Variants in FLRT2 observed in about 807,000 individuals in gnomAD.
FLRT2 encodes the protein leucine-rich repeat transmembrane protein FLRT2.
FLRT2 carries 15 observed loss-of-function variants against 40.0 expected under a neutral mutation model. The ratio of observed to expected loss-of-function variants is 0.38; its 90% confidence interval spans 0.25 to 0.58. The LOEUF (loss-of-function observed/expected upper bound fraction) is 0.58. Among genes scored for constraint, FLRT2 ranks in the 20% least tolerant of loss-of-function variants. The probability of loss-of-function intolerance (pLI) is 0.71; values close to 1 mark genes in which losing one functional copy is unlikely to be tolerated. For missense variants in FLRT2, 726 were observed against 840.0 expected, an observed-to-expected ratio of 0.86 and a Z score of 1.68; for synonymous variants, 380 against 336.8, an observed-to-expected ratio of 1.13 and a Z score of -1.41.
rs560063955 is a variant in FLRT2, at chr14:85,643,378, T to TC, written c.*19882dup. 98 of 99,856 alleles carry TC rather than the reference T, an allele frequency of 9.8e-4. 5 individuals are homozygous for TC. The South Asian group carries it at 0.012, about 12-fold the overall frequency. 6.2% of individuals were successfully genotyped at this position (99,856 alleles called of 1,614,324 possible). On this transcript the variant is annotated 3_prime_UTR_variant, in exon 2 of 2. Coordinates refer to ENST00000330753, the MANE Select transcript of FLRT2 (RefSeq NM_013231.6). ...TTCTTCCTTCCTTCCTTCCTTCCTT[T>TC]CTTTCCTTTCTCCTTTTTCTTTTTT...
intron 1 of FLRT2, among the ~76,000 whole-genome samples, chr14:85,605,075 TTAAC>T (rs1269810809): frequency 6.6e-6 from 1 of 152,208 alleles, no homozygotes; most frequent in Non-Finnish European, 1.5e-5. Flanking sequence ...ATGGAAGACT[TTAAC>T]TGAGCGTTTT....
At chr14:85,599,156 G>A (rs923876959) in intron 1 of FLRT2, among the ~76,000 whole-genome samples, 85 of 150,190 alleles carry the variant, frequency 5.7e-4, no homozygotes, top group African/African-American at 2.0e-3. Flanking sequence ...TCCTGACCTC[G>A]TGATCTGCCC....
chr14:85,640,651 A>G lies in FLRT2; in HGVS notation c.*17154A>G, dbSNP rs1260265174. 2 of 152,184 alleles carry G rather than the reference A, an allele frequency of 1.3e-5. No individual in the cohort carries two copies. Among genetic ancestry groups the G allele is most frequent in the Non-Finnish European group, 2.9e-5 (2 of 68,036 alleles). The allele number at this position is 152,184 out of a possible 1,614,324, so 9.4% of individuals were successfully genotyped here. On this transcript the variant is annotated 3_prime_UTR_variant, in exon 2 of 2. Transcript: ENST00000330753. ...TACTATTGAATAAATATGCTTTGTG[A>G]ATATTCCATACATTTGCTAAGTTCT...
chr14:85,577,444 A>T (rs981568389), intron 1 of FLRT2, among the ~76,000 whole-genome samples: 3 of 152,122 alleles, frequency 2.0e-5, no homozygotes, highest in Non-Finnish European at 4.4e-5. Context: ...TGCTGTCTCT[A>T]AAAGGAGATG....
chr14:85,620,862 G>A (rs1239069202), intron 1 of FLRT2, among the ~76,000 whole-genome samples: 1 of 152,154 alleles, frequency 6.6e-6, no homozygotes, highest in Non-Finnish European at 1.5e-5. Context: ...ATAAAGAATA[G>A]ATAAAAGAGA....
chr14:85,614,031 T>G (rs552570435), intron 1 of FLRT2, among the ~76,000 whole-genome samples: 2 of 152,204 alleles, frequency 1.3e-5, no homozygotes, highest in Non-Finnish European at 2.9e-5. Flanking sequence ...ATCTTAGGAA[T>G]GACCAACATA....
At chr14:85,538,420 C>A (rs1276293226) in intron 1 of FLRT2, among the ~76,000 whole-genome samples, 2 of 152,148 alleles carry the variant, frequency 1.3e-5, no homozygotes, top group Non-Finnish European at 2.9e-5. Context: ...CTCTCTGGAG[C>A]TACTAACCAT....
chr14:85,587,771 G>A (rs1891690390), intron 1 of FLRT2, among the ~76,000 whole-genome samples: 1 of 152,016 alleles, frequency 6.6e-6, no homozygotes, highest in South Asian at 2.1e-4. Context: ...ATTAATATGA[G>A]AATATTTTTT....
chr14:85,649,828 A>G lies in FLRT2; in HGVS notation c.*26331A>G, dbSNP rs891201317. ...GGTAAAGGCAATAAATTATTTTTTA[A>G]TGTACATCTTATACACATAAAATAC... is the stretch of plus-strand genomic sequence containing the variant. On this transcript the variant is annotated 3_prime_UTR_variant, in exon 2 of 2. Coordinates refer to ENST00000330753, the MANE Select transcript of FLRT2 (RefSeq NM_013231.6). 3 of 152,064 alleles carry G rather than the reference A, an allele frequency of 2.0e-5. No individual in the cohort carries two copies. The highest frequency in any genetic ancestry group is 7.2e-5 in the African/African-American group (3 of 41,442). 9.4% of individuals were successfully genotyped at this position (152,064 alleles called of 1,614,324 possible).
At chr14:85,591,777 A>T (rs1891895589) in intron 1 of FLRT2, among the ~76,000 whole-genome samples, 1 of 152,202 alleles carries the variant, frequency 6.6e-6, no homozygotes. Context: ...GCGGTAGGCA[A>T]CTAAATGTTT....
rs1203995447 is a variant in FLRT2, at chr14:85,639,241, T to C, written c.*15744T>C. The C allele has an allele frequency of 6.6e-6, 1 of 152,208 alleles. No individual in the cohort carries two copies. The highest frequency in any genetic ancestry group is 1.9e-4 in the East Asian group (1 of 5,190). 9.4% of individuals were successfully genotyped at this position (152,208 alleles called of 1,614,324 possible). On this transcript the variant is annotated 3_prime_UTR_variant, in exon 2 of 2. Transcript: ENST00000330753. Reference sequence around the variant, plus strand: ...CTCATTCACTGTTGCCCTGTTTCCTTTTCCTTGACAAATTCAGTTAACCGG... The same window carrying C: ...CTCATTCACTGTTGCCCTGTTTCCTCTTCCTTGACAAATTCAGTTAACCGG...
chr14:85,562,405 T>C (rs1374034521), intron 1 of FLRT2, among the ~76,000 whole-genome samples: 1 of 152,216 alleles, frequency 6.6e-6, no homozygotes, highest in Non-Finnish European at 1.5e-5. Flanking sequence ...TTCAATGCAA[T>C]CTCTGCCACA....
chr14:85,586,396 A>G (rs942135151), intron 1 of FLRT2, among the ~76,000 whole-genome samples: 2 of 152,108 alleles, frequency 1.3e-5, no homozygotes, highest in Non-Finnish European at 2.9e-5. Context: ...ACAATGTTCA[A>G]TCAATAACAT....
In FLRT2 at chr14:85,619,200, C is replaced by T. The variant is rs117264794; in HGVS notation, c.-376-1939C>T. The stretch of plus-strand genomic sequence containing the variant: ...CCAGGCTCTGGCAATCCTCCCACCT[C>T]AGCCTTCAGAGTGGCAGAGACTACA... On this transcript the variant is annotated intron_variant, in intron 1 of 1. Coordinates refer to ENST00000330753, the MANE Select transcript of FLRT2 (RefSeq NM_013231.6). Among the ~76,000 whole-genome samples the T allele has an allele frequency of 2.7e-3, 404 of 151,858 alleles. 1 individual carries two copies. Among genetic ancestry groups the T allele is most frequent in the Non-Finnish European group, 4.8e-3 (325 of 67,978 alleles).
chr14:85,582,412 T>A (rs1422982452), intron 1 of FLRT2, among the ~76,000 whole-genome samples: 3 of 152,120 alleles, frequency 2.0e-5, no homozygotes, highest in Non-Finnish European at 4.4e-5. Flanking sequence ...ACTAATTGAT[T>A]GTGATTTGTA....
intron 1 of FLRT2, among the ~76,000 whole-genome samples, chr14:85,584,871 A>AGTT (rs1891547751): frequency 7.6e-6 from 1 of 132,190 alleles, no homozygotes; most frequent in Non-Finnish European, 1.5e-5. Context: ...ACTCTTGCTT[A>AGTT]GTTTTCATTG....
At chr14:85,599,755 C>G (rs1201204840) in intron 1 of FLRT2, among the ~76,000 whole-genome samples, 1 of 151,656 alleles carries the variant, frequency 6.6e-6, no homozygotes, top group African/African-American at 2.4e-5. Flanking sequence ...TTCCCTTTAT[C>G]AGTTGATTAA....
rs1894118004 is a variant in FLRT2 at position 85,640,103 on chromosome 14, C to A, written c.*16606C>A. 2 of 152,302 alleles carry A rather than the reference C, an allele frequency of 1.3e-5. No individual in the cohort carries two copies. The highest frequency in any genetic ancestry group is 2.9e-5 in the Non-Finnish European group (2 of 68,162). 9.4% of individuals were successfully genotyped at this position (152,302 alleles called of 1,614,324 possible). A position where few individuals can be genotyped will look rare whatever the true frequency, so the allele number is the denominator to read the frequency against. ...GACCTCGTGATCCGCCCGCCTCGGC[C>A]TCCCAAAGTGCTGGGATTACAGGCG... On this transcript the variant is annotated 3_prime_UTR_variant, in exon 2 of 2. Transcript: ENST00000330753.
intron 1 of FLRT2, among the ~76,000 whole-genome samples, chr14:85,535,504 A>T (rs1422691927): frequency 6.6e-6 from 1 of 152,196 alleles, no homozygotes; most frequent in African/African-American, 2.4e-5. Flanking sequence ...ATTACTGAAC[A>T]ACATGGGCCA....
Sources: gnomAD v4.1 joint callset for allele counts (sites outside exome capture counted in the v4.1 genomes callset) on GRCh38, gnomAD v4.1.1 for gene constraint, MANE v1.5 for transcripts, NCBI Gene and HGNC (gene_info 2026-07-23, HGNC 2026-07-21) for gene names.